Variants in PDE8B observed in about 807,000 individuals in gnomAD.
PDE8B encodes high affinity cAMP-specific and IBMX-insensitive 3',5'-cyclic phosphodiesterase 8B.
A neutral mutation model predicts 101.3 loss-of-function variants in PDE8B; 26 were observed. The ratio of observed to expected loss-of-function variants is 0.26; its 90% CI spans 0.19 to 0.36. The LOEUF is 0.36. PDE8B is among the 10% of genes least tolerant of loss of function. PDE8B has a pLI of 1.00. For synonymous variants in PDE8B, 424 were observed against 429.3 expected, an observed-to-expected ratio of 0.99 and a Z score of 0.15; for missense variants, 810 against 1,163.1, an observed-to-expected ratio of 0.70 and a Z score of 4.42.
intron 10 of PDE8B, among the ~76,000 whole-genome samples, chr5:77,371,690 A>G (rs1785109219): frequency 6.6e-6 from 1 of 152,138 alleles, no homozygotes; most frequent in Non-Finnish European, 1.5e-5. Flanking sequence ...TTGATATTTG[A>G]TGATATTGAT....
chr5:77,211,304 G>A lies in PDE8B; in HGVS notation c.339+40G>A. On this transcript the variant is annotated intron_variant, in intron 1 of 21. Coordinates refer to ENST00000264917, the MANE Select transcript of PDE8B (RefSeq NM_003719.5). The surrounding 1 kb of genome is among the most constrained non-coding windows in gnomAD (Gnocchi z 4.1). ...CTGGCACACGCCGTGGGGGCCGTCC[G>A]CCCCGTCGGCGGGGCTCGCACGGGT... 1 of 1,513,908 alleles carries A rather than the reference G, an allele frequency of 6.6e-7. No homozygotes were observed. Among genetic ancestry groups the A allele is most frequent in the Non-Finnish European group, 8.8e-7 (1 of 1,136,830 alleles). 93.8% of individuals were successfully genotyped at this position (1,513,908 alleles called of 1,614,324 possible).
upstream of PDE8B, among the ~76,000 whole-genome samples, chr5:77,205,951 GT>G (rs1171464710): frequency 6.6e-6 from 1 of 151,994 alleles, no homozygotes; most frequent in Non-Finnish European, 1.5e-5. Context: ...CAACAACTTT[GT>G]ACAAATTATT....
intron 1 of PDE8B, among the ~76,000 whole-genome samples, chr5:77,229,445 A>C (rs1753095072): frequency 6.6e-6 from 1 of 152,232 alleles, no homozygotes; most frequent in Admixed American, 6.5e-5. Flanking sequence ...TGGAGATATA[A>C]TTAGAAAAAC....
the PDE8B span, among the ~76,000 whole-genome samples, chr5:77,162,078 G>T: frequency 0.077 from 11,635 of 151,456 alleles, 535 homozygotes; most frequent in African/African-American, 0.13. Flanking sequence ...AGTAAATTTA[G>T]CAAGGTTGGA....
the PDE8B span, among the ~76,000 whole-genome samples, chr5:77,093,216 T>G: frequency 6.3e-4 from 96 of 152,350 alleles, 1 homozygote; most frequent in South Asian, 8.3e-4. Flanking sequence ...GGACCCAGGC[T>G]TTGATTTATG....
chr5:77,173,248 A>G, the PDE8B span, among the ~76,000 whole-genome samples: 2 of 152,186 alleles, frequency 1.3e-5, no homozygotes, highest in African/African-American at 4.8e-5. Context: ...GATTAGTACT[A>G]TTTATCTTCA....
At chr5:77,351,009 AG>A in intron 8 of PDE8B, 55 bp from the exon 9 acceptor site, 1 of 1,246,932 alleles carries the variant, frequency 8.0e-7, no homozygotes, top group Non-Finnish European at 1.2e-6. Context: ...GACCCTCTGC[AG>A]GAGCAGCTGT....
rs145319367 is a variant in PDE8B at position 77,321,250 on chromosome 5, C to A, written c.400-4289C>A. The stretch of plus-strand genomic sequence containing the variant: ...CTGCAACATCTCTGCCTCTCGGGTT[C>A]AAGCAATTCTCCTGCTTCAGCCTCC... On this transcript the variant is annotated intron_variant, in intron 2 of 21. Transcript: ENST00000264917. Among the ~76,000 whole-genome samples, 503 of 138,908 alleles carry A rather than the reference C, an allele frequency of 3.6e-3. 2 individuals carry two copies. The highest frequency in any genetic ancestry group is 0.013 in the African/African-American group (488 of 38,908). The allele number at this position is 138,908 out of a possible 152,430, so 91.1% of individuals were successfully genotyped here.
the PDE8B span, among the ~76,000 whole-genome samples, chr5:77,189,087 G>A: frequency 6.6e-6 from 1 of 152,182 alleles, no homozygotes; most frequent in Non-Finnish European, 1.5e-5. Context: ...ACTACAGCAA[G>A]CACTGCTGTC....
the PDE8B span, among the ~76,000 whole-genome samples, chr5:77,159,182 C>T: frequency 2.6e-5 from 4 of 152,184 alleles, no homozygotes; most frequent in Non-Finnish European, 5.9e-5. Flanking sequence ...GCGATTGAGC[C>T]AAGCCTGGTG....
intron 1 of PDE8B, among the ~76,000 whole-genome samples, chr5:77,278,967 G>T (rs1014199683): frequency 6.6e-6 from 1 of 152,164 alleles, no homozygotes; most frequent in Non-Finnish European, 1.5e-5. Context: ...TAGAGTGCTT[G>T]ATTTAGTGCT....
At chr5:77,284,581 A>G (rs1251787350) in intron 1 of PDE8B, among the ~76,000 whole-genome samples, 1 of 152,222 alleles carries the variant, frequency 6.6e-6, no homozygotes, top group East Asian at 1.9e-4. Flanking sequence ...ATTCATAACT[A>G]TCACACAGGT....
At chr5:77,340,345 A>C (rs965200634) in intron 6 of PDE8B, among the ~76,000 whole-genome samples, 3 of 152,236 alleles carry the variant, frequency 2.0e-5, no homozygotes, top group Non-Finnish European at 4.4e-5. Flanking sequence ...CTTTATTCTC[A>C]TATGGGCTCT....
intron 8 of PDE8B, among the ~76,000 whole-genome samples, chr5:77,350,493 A>G (rs1247148183): frequency 6.6e-6 from 1 of 152,138 alleles, no homozygotes; most frequent in Non-Finnish European, 1.5e-5. Context: ...TCCCATGTTC[A>G]GAGAACAGGA....
chr5:77,312,984 A>G (rs1170355755), intron 2 of PDE8B, among the ~76,000 whole-genome samples: 1 of 152,152 alleles, frequency 6.6e-6, no homozygotes, highest in African/African-American at 2.4e-5. Context: ...GTGCCCCCTT[A>G]AGAGAAACAT....
intron 1 of PDE8B, among the ~76,000 whole-genome samples, chr5:77,227,471 A>C (rs1752648248): frequency 6.6e-6 from 1 of 152,186 alleles, no homozygotes; most frequent in Admixed American, 6.5e-5. Flanking sequence ...TGGGTGGGGC[A>C]GGAGAAGAAA....
the PDE8B span, among the ~76,000 whole-genome samples, chr5:77,095,238 G>T: frequency 3.3e-5 from 5 of 152,030 alleles, no homozygotes; most frequent in African/African-American, 9.7e-5. Context: ...ATCGTTGTTT[G>T]GCCCCTCAGA....
chr5:77,367,931 C>G (rs1784442512), intron 10 of PDE8B, among the ~76,000 whole-genome samples: 2 of 152,240 alleles, frequency 1.3e-5, no homozygotes, highest in African/African-American at 4.8e-5. Context: ...CCAACTTGTT[C>G]TCAGTGCTGA....
chr5:77,246,963 A>G (rs893122279), intron 1 of PDE8B: 8 of 152,224 alleles, frequency 5.3e-5, no homozygotes, highest in African/African-American at 1.9e-4. Context: ...TCATATTTAT[A>G]AAGTAGTGAT....
Sources: allele counts gnomAD v4.1 joint callset (sites outside exome capture counted in the v4.1 genomes callset), GRCh38; gene constraint gnomAD v4.1.1; non-coding constraint Gnocchi (gnomAD v3.1); transcripts MANE v1.5; gene names NCBI Gene and HGNC (gene_info 2026-07-23, HGNC 2026-07-21).